CPEB4: variants seen among roughly 807,000 people sequenced by gnomAD.
CPEB4 encodes cytoplasmic polyadenylation element binding protein 4.
A neutral mutation model predicts 72.5 loss-of-function variants in CPEB4; 12 were observed. The observed-to-expected ratio is 0.17, with a 90% CI of 0.11 to 0.27. The LOEUF (loss-of-function observed/expected upper bound fraction) is 0.27, where lower values mean the gene tolerates loss of function less well. Ranked by LOEUF, CPEB4 falls within the 10% of genes least tolerant of loss-of-function variation. The pLI is 1.00. For missense variants in CPEB4, 614 were observed against 908.5 expected (o/e 0.68, Z 4.17); for synonymous variants, 302 against 326.3 (o/e 0.93, Z 0.80).
At chr5:173,939,407 G>A (rs1198799333) in intron 3 of CPEB4, among the ~76,000 whole-genome samples, 3 of 152,172 alleles carry the variant, frequency 2.0e-5, no homozygotes, top group East Asian at 1.9e-4. Context: ...TCTTTTGAAT[G>A]TGTGGGTACT....
intron 2 of CPEB4, among the ~76,000 whole-genome samples, chr5:173,930,581 T>C (rs577017217): frequency 1.3e-5 from 2 of 152,320 alleles, no homozygotes; most frequent in African/African-American, 4.8e-5. Flanking sequence ...TTTACCTTTT[T>C]TTCTTCCATC....
In CPEB4 at chr5:173,949,627, A is replaced by G. The variant is rs374821434; in HGVS notation, c.1546+30A>G. ...TTCTCAAGATTCATTATACTTATGT[A>G]ATTTATTCTTACATTGTTTAATGTG... On this transcript the variant is annotated intron_variant, in intron 6 of 9. Transcript: ENST00000265085. 3 of 1,423,174 alleles carry G rather than the reference A, an allele frequency of 2.1e-6. No homozygotes were observed. In the African/African-American group the frequency reaches 4.3e-5, roughly 20 times the overall value. 88.2% of individuals were successfully genotyped at this position (1,423,174 alleles called of 1,614,324 possible).
At chr5:173,898,908 C>T (rs577687786) in intron 1 of CPEB4, among the ~76,000 whole-genome samples, 7 of 152,176 alleles carry the variant, frequency 4.6e-5, no homozygotes, top group Admixed American at 6.5e-5. Flanking sequence ...TCAGGTGATC[C>T]GCTCGCTTTG....
chr5:173,915,859 G>A (rs1756848905), intron 2 of CPEB4, among the ~76,000 whole-genome samples: 1 of 152,144 alleles, frequency 6.6e-6, no homozygotes, highest in African/African-American at 2.4e-5. Context: ...AGCATAGGTT[G>A]GACACAGTGA....
intron 1 of CPEB4, among the ~76,000 whole-genome samples, chr5:173,897,574 G>A (rs150283372): frequency 5.0e-4 from 76 of 152,192 alleles, no homozygotes; most frequent in East Asian, 3.7e-3. Context: ...GACTGAACAT[G>A]CATTTTTTTC....
chr5:173,950,081 AAGTGTGGTTT>A lies in CPEB4; in HGVS notation c.1665+6_1665+15del. On this transcript the variant is annotated splice_donor_5th_base_variant and intron_variant, in intron 7 of 9. Coordinates refer to ENST00000265085, the MANE Select transcript of CPEB4 (RefSeq NM_030627.4). This position sits in a 1 kb window ranked among gnomAD's most constrained non-coding sequence, Gnocchi z 5.0. ...GTCCCACTATCAAGGATAAGCCAGT[AAGTGTGGTTT>A]AGCATAAAATAGCTTCTTGTTTTTG... is the stretch of plus-strand genomic sequence containing the variant. 1 of 1,563,072 alleles carries A rather than the reference AAGTGTGGTTT, an allele frequency of 6.4e-7. No homozygotes were observed. The highest frequency in any genetic ancestry group is 2.3e-5 in the East Asian group (1 of 44,402).
At chr5:173,941,744 G>T (rs976902211) in intron 3 of CPEB4, among the ~76,000 whole-genome samples, 1 of 152,142 alleles carries the variant, frequency 6.6e-6, no homozygotes, top group Non-Finnish European at 1.5e-5. Context: ...TGGTCGTGGT[G>T]GCACACCCCT....
At chr5:173,935,780 G>GA (rs11406888) in intron 3 of CPEB4, among the ~76,000 whole-genome samples, 152,210 of 152,236 alleles carry the variant, frequency 1, 76,092 homozygotes, top group Middle Eastern at 1. Flanking sequence ...ATAATTAAAA[G>GA]AAAAAAGTCA....
intron 3 of CPEB4, among the ~76,000 whole-genome samples, chr5:173,939,884 G>A (rs1757770755): frequency 6.6e-6 from 1 of 151,182 alleles, no homozygotes; most frequent in Admixed American, 6.6e-5. Flanking sequence ...GGCTGAAGTG[G>A]GCAGATTGCC....
Position 173,956,386 on chromosome 5 carries a change from A to T in CPEB4, c.*249A>T. On this transcript the variant is annotated 3_prime_UTR_variant, in exon 10 of 10. Transcript: ENST00000265085. Reference sequence around the variant, plus strand: ...AAGTTTTATTCTCTTGTTTTGCTGGAAACCAAGAGGATCCAAACTTCCTGC... The same window carrying T: ...AAGTTTTATTCTCTTGTTTTGCTGGTAACCAAGAGGATCCAAACTTCCTGC... 1 of 399,840 alleles carries T rather than the reference A, an allele frequency of 2.5e-6. No homozygotes were observed. 24.8% of individuals were successfully genotyped at this position (399,840 alleles called of 1,614,324 possible).
At chr5:173,931,327 G>T (rs1413181193) in intron 2 of CPEB4, among the ~76,000 whole-genome samples, 1 of 152,180 alleles carries the variant, frequency 6.6e-6, no homozygotes, top group Non-Finnish European at 1.5e-5. Flanking sequence ...GAGAACCTCT[G>T]TTTATCCGTT....
At chr5:173,913,563 C>G (rs1756758161) in intron 2 of CPEB4, among the ~76,000 whole-genome samples, 1 of 152,192 alleles carries the variant, frequency 6.6e-6, no homozygotes, top group Admixed American at 6.5e-5. Context: ...GCCAGGACAT[C>G]TCTATCAGAT....
At chr5:173,947,659 CAT>C (rs1758074109) in intron 5 of CPEB4, among the ~76,000 whole-genome samples, 1 of 152,086 alleles carries the variant, frequency 6.6e-6, no homozygotes, top group Non-Finnish European at 1.5e-5. Flanking sequence ...AATATGAACT[CAT>C]TAGTTTTTGT....
At chr5:173,947,700 A>G (rs1373593436) in intron 5 of CPEB4, among the ~76,000 whole-genome samples, 2 of 152,194 alleles carry the variant, frequency 1.3e-5, no homozygotes, top group Non-Finnish European at 2.9e-5. Context: ...AGAAATAGTT[A>G]TAAATTTGTG....
At chr5:173,909,531 A>AT (rs5873397) in intron 1 of CPEB4, among the ~76,000 whole-genome samples, 30 of 150,318 alleles carry the variant, frequency 2.0e-4, no homozygotes, top group African/African-American at 6.8e-4. Context: ...AGTCTACGAA[A>AT]TTTTTTTTTT....
rs1757483098 is a variant in CPEB4, at chr5:173,932,500, G to C, written c.1258G>C (p.Ala420Pro). The C allele has an allele frequency of 1.2e-6, 2 of 1,610,136 alleles. No homozygotes were observed. Among genetic ancestry groups the C allele is most frequent in the Non-Finnish European group, 1.7e-6 (2 of 1,177,390 alleles). ...ATCCGATAGCTCTCTGCTTATTAAT[G>C]GTAAGTGATAATTGATTTACCCTAG... ...PGSDSSLLIN[A>P]RTYGRRRGQS... is the part of the protein sequence containing the mutation. The change falls in exon 3 of 10, where the codon GCA becomes CCA. Residue 420 changes from alanine to proline, a missense_variant and splice_region_variant. Physicochemically the swap from Ala to Pro is conservative, Grantham distance 27. Around this residue, in one of 5 missense-constraint regions of CPEB4, gnomAD observed 458 missense variants for 548.6 expected, o/e 0.83. Coordinates refer to ENST00000265085, the MANE Select transcript of CPEB4 (RefSeq NM_030627.4).
At chr5:173,919,414 G>A (rs1008845701) in intron 2 of CPEB4, among the ~76,000 whole-genome samples, 3 of 152,118 alleles carry the variant, frequency 2.0e-5, no homozygotes, top group African/African-American at 7.2e-5. Context: ...AAAAGAGAAG[G>A]GGCCCCACAA....
intron 4 of CPEB4, among the ~76,000 whole-genome samples, chr5:173,944,233 A>G (rs1302659693): frequency 6.6e-6 from 1 of 152,174 alleles, no homozygotes; most frequent in Non-Finnish European, 1.5e-5. Context: ...CTACACAATG[A>G]AGTTGGAATA....
At chr5:173,953,350 A>G in intron 9 of CPEB4, 78 bp downstream of exon 9, 1 of 1,103,450 alleles carries the variant, frequency 9.1e-7, no homozygotes. Flanking sequence ...GAACGGGAGC[A>G]TTTTATGACA....
Sources: allele counts gnomAD v4.1 joint callset (sites outside exome capture counted in the v4.1 genomes callset), GRCh38; gene constraint gnomAD v4.1.1; regional missense constraint gnomAD v4.1.1; non-coding constraint Gnocchi (gnomAD v3.1); transcripts MANE v1.5; gene names NCBI Gene and HGNC (gene_info 2026-07-23, HGNC 2026-07-21).